The following IMMP2L variants were observed in gnomAD, a reference collection of about 807,000 sequenced individuals.
IMMP2L encodes inner mitochondrial membrane peptidase subunit 2.
A neutral mutation model predicts 19.3 loss-of-function variants in IMMP2L; 18 were observed. The observed-to-expected ratio is 0.93, with a 90% CI of 0.64 to 1.38. The LOEUF is 1.38. Ranked by LOEUF, IMMP2L falls within the 40% of genes most tolerant of loss-of-function variation. The probability of loss-of-function intolerance (pLI) is 0.00; values close to 1 mark genes in which losing one functional copy is unlikely to be tolerated. For synonymous variants in IMMP2L, 76 were observed against 73.0 expected (o/e 1.04, Z -0.21); for missense variants, 233 against 218.2 (o/e 1.07, Z -0.43).
At chr7:110,906,984 G>T (rs1400793915) in intron 4 of IMMP2L, among the ~76,000 whole-genome samples, 1 of 151,962 alleles carries the variant, frequency 6.6e-6, no homozygotes, top group East Asian at 1.9e-4. Flanking sequence ...AGGAGCTGGG[G>T]TGAGTACTTT....
At position 111,417,319 on chromosome 7, in the gene IMMP2L, G is replaced by A. The variant is rs116707636; in HGVS notation, c.239+69919C>T. Among the ~76,000 whole-genome samples the A allele has an allele frequency of 3.6e-3, 544 of 151,876 alleles. 21 individuals are homozygous for A. The highest frequency in any genetic ancestry group is 0.012 in the African/African-American group (515 of 41,246). On this transcript the variant is annotated intron_variant, in intron 3 of 5. Coordinates refer to ENST00000405709, the MANE Select transcript of IMMP2L (RefSeq NM_032549.4). The stretch of plus-strand genomic sequence containing the variant: ...TTCTCCACCAATCTCCTGTTGTCGG[G>A]TGGAGGGCGTCACAGTGAGCAACCT...
intron 3 of IMMP2L, among the ~76,000 whole-genome samples, chr7:111,339,961 A>C (rs540280511): frequency 6.6e-6 from 1 of 152,138 alleles, no homozygotes; most frequent in East Asian, 1.9e-4. Flanking sequence ...ATTCTCAGGC[A>C]AATTATAGTT....
rs1813089417 is a variant in IMMP2L at position 111,226,289 on chromosome 7, G to C, written c.239+260949C>G. Among the ~76,000 whole-genome samples, 5 of 151,898 alleles carry C rather than the reference G, an allele frequency of 3.3e-5. No individual in the cohort carries two copies. In the South Asian group the frequency reaches 1.0e-3, roughly 32 times the overall value. On this transcript the variant is annotated intron_variant, in intron 3 of 5. Coordinates refer to ENST00000405709, the MANE Select transcript of IMMP2L (RefSeq NM_032549.4). ...CTTTCTCAGCCTCCTCGGTAGCTTGGACTACAGCCATGTGCCACCATGCCC... is the reference window on the plus strand; with the variant it reads ...CTTTCTCAGCCTCCTCGGTAGCTTGCACTACAGCCATGTGCCACCATGCCC...
At chr7:110,833,676 A>AAAC (rs1804177889) in intron 5 of IMMP2L, among the ~76,000 whole-genome samples, 1 of 152,192 alleles carries the variant, frequency 6.6e-6, no homozygotes, top group Non-Finnish European at 1.5e-5. Context: ...CTTGCATATT[A>AAAC]AACATTACAT....
intron 5 of IMMP2L, among the ~76,000 whole-genome samples, chr7:110,759,727 C>A (rs1798240595): frequency 6.6e-6 from 1 of 152,092 alleles, no homozygotes; most frequent in African/African-American, 2.4e-5. Flanking sequence ...ATATACATGC[C>A]CTTGTTCAAC....
rs1417355341 is a variant in IMMP2L, at chr7:111,123,654, G to A, written c.240-160089C>T. 1 of 1,613,830 alleles carries A rather than the reference G, an allele frequency of 6.2e-7. No individual in the cohort carries two copies. Among genetic ancestry groups the A allele is most frequent in the Non-Finnish European group, 8.5e-7 (1 of 1,179,970 alleles). The stretch of plus-strand genomic sequence containing the variant: ...TAAAAGAGTTGGGGATAAATAATAT[G>A]CCTGAGCTGATTTCCATCGATAGTC... On this transcript the variant is annotated intron_variant, in intron 3 of 5. Transcript: ENST00000405709. This position sits in a 1 kb window ranked among gnomAD's most constrained non-coding sequence, Gnocchi z 6.4.
intron 5 of IMMP2L, among the ~76,000 whole-genome samples, chr7:110,791,614 A>C (rs1235556096): frequency 2.6e-5 from 4 of 151,832 alleles, no homozygotes; most frequent in African/African-American, 9.7e-5. Flanking sequence ...GTGATGGATA[A>C]ATAAAAGATC....
intron 4 of IMMP2L, among the ~76,000 whole-genome samples, chr7:110,955,725 C>T (rs1401694123): frequency 1.3e-5 from 2 of 151,960 alleles, no homozygotes; most frequent in South Asian, 2.1e-4. Flanking sequence ...CTCTTAGCTG[C>T]CATGCTCTAA....
At chr7:110,687,251 C>T (rs747201011) in intron 5 of IMMP2L, among the ~76,000 whole-genome samples, 3 of 152,028 alleles carry the variant, frequency 2.0e-5, no homozygotes, top group African/African-American at 2.4e-5. Context: ...GAACATTGTC[C>T]GTAAAGCTTT....
chr7:111,019,947 A>G (rs759383418), intron 3 of IMMP2L, among the ~76,000 whole-genome samples: 1 of 152,112 alleles, frequency 6.6e-6, no homozygotes, highest in Non-Finnish European at 1.5e-5. Context: ...TCCATGAAGC[A>G]TTTCCGGATC....
chr7:110,668,282 T>C lies in IMMP2L; in HGVS notation c.409-4561A>G, dbSNP rs1437955063. ...ACATCCTAAAAAACCATTCCATCTA[T>C]GTTAACTTCCAGGAAATACTTCCCT... is the stretch of plus-strand genomic sequence containing the variant. On this transcript the variant is annotated intron_variant, in intron 5 of 5. Transcript: ENST00000405709. Among the ~76,000 whole-genome samples the C allele has an allele frequency of 2.6e-5, 4 of 152,250 alleles. No homozygotes were observed. In the East Asian group the frequency reaches 5.8e-4, roughly 22 times the overall value.
chr7:111,171,941 C>T (rs1395810627), intron 3 of IMMP2L, among the ~76,000 whole-genome samples: 2 of 151,060 alleles, frequency 1.3e-5, no homozygotes, highest in East Asian at 2.0e-4. Flanking sequence ...AAAGGAATAA[C>T]TTGAAAAAAG....
At chr7:111,467,154 T>G (rs1225952770) in intron 3 of IMMP2L, among the ~76,000 whole-genome samples, 1 of 152,124 alleles carries the variant, frequency 6.6e-6, no homozygotes, top group African/African-American at 2.4e-5. Context: ...AAGGCCCTGG[T>G]GTAAATCCTC....
At chr7:111,540,660 TAA>T (rs1848431579) in intron 1 of IMMP2L, among the ~76,000 whole-genome samples, 1 of 152,190 alleles carries the variant, frequency 6.6e-6, no homozygotes. Flanking sequence ...ACTCCCCAAC[TAA>T]GTTGTAAGCC....
intron 3 of IMMP2L, among the ~76,000 whole-genome samples, chr7:111,000,011 T>C (rs185815759): frequency 1.3e-5 from 2 of 152,256 alleles, no homozygotes; most frequent in East Asian, 3.9e-4. Context: ...ATATCCACAC[T>C]AAAAGCCTGA....
In IMMP2L at chr7:110,877,796, C is replaced by T. The variant is rs1309829020; in HGVS notation, c.408+8797G>A. 6.6e-6 allele frequency among the ~76,000 whole-genome samples: 1 copy of T among 152,128 alleles called. No homozygotes were observed. Among genetic ancestry groups the T allele is most frequent in the African/African-American group, 2.4e-5 (1 of 41,448 alleles). On this transcript the variant is annotated intron_variant, in intron 5 of 5. Transcript: ENST00000405709. This position sits in a 1 kb window ranked among gnomAD's most constrained non-coding sequence, Gnocchi z 4.0. ...GCCAATCAAGATCTGGCATTCAGCA[C>T]TAGCAAAGTGTGACATTCTAACTCT...
rs1400543846 is a variant in IMMP2L, at chr7:111,123,446, C to T, written c.240-159881G>A. On this transcript the variant is annotated intron_variant, in intron 3 of 5. Transcript: ENST00000405709. The surrounding 1 kb of genome is among the most constrained non-coding windows in gnomAD (Gnocchi z 6.4). ...CTGGTTATAGCTGGTATAAACCTCA[C>T]AGAAATACCAGATAACGCCTTGGTT... The T allele has an allele frequency of 8.1e-6, 13 of 1,613,274 alleles. No homozygotes were observed. Among genetic ancestry groups the T allele is most frequent in the South Asian group, 6.6e-5 (6 of 90,956 alleles).
intron 5 of IMMP2L, among the ~76,000 whole-genome samples, chr7:110,885,779 C>T (rs1810158952): frequency 6.6e-6 from 1 of 151,908 alleles, no homozygotes; most frequent in Non-Finnish European, 1.5e-5. Context: ...TTCCTGAAAG[C>T]AGGAGATACA....
chr7:111,172,739 G>A (rs1423065637), intron 3 of IMMP2L, among the ~76,000 whole-genome samples: 1 of 151,478 alleles, frequency 6.6e-6, no homozygotes, highest in Non-Finnish European at 1.5e-5. Flanking sequence ...AGTGAGAACA[G>A]GCAGTGTTTA....
Sources: allele counts gnomAD v4.1 joint callset (sites outside exome capture counted in the v4.1 genomes callset), GRCh38; gene constraint gnomAD v4.1.1; non-coding constraint Gnocchi (gnomAD v3.1); transcripts MANE v1.5; gene names NCBI Gene and HGNC (gene_info 2026-07-23, HGNC 2026-07-21).